The following ALKAL1 variants were observed in gnomAD, a reference collection of about 807,000 sequenced individuals.
The protein encoded by ALKAL1 is AUG-beta.
Under a neutral mutation model 13.5 loss-of-function variants are expected in ALKAL1, and 23 were observed. That is an observed-to-expected ratio of 1.70 (90% CI 1.23 to 2.41). The LOEUF (loss-of-function observed/expected upper bound fraction) is 2.41. ALKAL1 is among the 30% of genes most tolerant of loss of function. The pLI, the probability that ALKAL1 is intolerant of heterozygous loss-of-function variation, is 0.00. For missense variants in ALKAL1, 181 were observed against 178.4 expected (o/e 1.01, Z -0.08); for synonymous variants, 85 against 77.7 (o/e 1.09, Z -0.49).
intron 3 of ALKAL1, 75 bp downstream of exon 3, chr8:52,539,756 G>C (rs2150343744): frequency 2.7e-6 from 3 of 1,093,592 alleles, no homozygotes; most frequent in Non-Finnish European, 2.7e-6. Flanking sequence ...CCCACCCACA[G>C]ACATTTGAAG....
Position 52,565,067 on chromosome 8 carries a change from C to T in ALKAL1, c.190G>A (p.Glu64Lys), listed in dbSNP as rs976539539. The change falls in exon 1 of 5, where the codon GAA (glutamate) becomes AAA (lysine). Residue 64 changes from glutamate (E) to lysine (K), a missense_variant and splice_region_variant. Transcript: ENST00000358543. ...GRTPSGSRSA[E>K]IFPRDSNLKD... ...ATGGGGCGGGATGGGGACATCGTAC[C>T]TGCGCTCCGGGAGCCGCTGGGAGTC... The T allele has an allele frequency of 1.4e-5, 20 of 1,396,892 alleles. No individual in the cohort carries two copies. The highest frequency in any genetic ancestry group is 6.1e-5 in the East Asian group (2 of 32,904). The allele number at this position is 1,396,892 out of a possible 1,614,324, so 86.5% of individuals were successfully genotyped here.
chr8:52,538,003 G>A (rs569743026), intron 4 of ALKAL1, among the ~76,000 whole-genome samples: 4 of 152,016 alleles, frequency 2.6e-5, no homozygotes, highest in African/African-American at 9.7e-5. Context: ...GGCTGAGGCA[G>A]GAGAATCGCT....
At chr8:52,553,165 T>C (rs1353711728) in intron 1 of ALKAL1, among the ~76,000 whole-genome samples, 1 of 152,084 alleles carries the variant, frequency 6.6e-6, no homozygotes, top group African/African-American at 2.4e-5. Context: ...CTGCACAACA[T>C]AGCGAGACTC....
chr8:52,537,773 T>C (rs1190265647), intron 4 of ALKAL1, among the ~76,000 whole-genome samples: 1 of 149,846 alleles, frequency 6.7e-6, no homozygotes, highest in African/African-American at 2.5e-5. Flanking sequence ...AAAAAGCTCA[T>C]AGAAGTAGAG....
At chr8:52,564,502 G>C (rs1208199580) in intron 1 of ALKAL1, among the ~76,000 whole-genome samples, 1 of 152,160 alleles carries the variant, frequency 6.6e-6, no homozygotes, top group Non-Finnish European at 1.5e-5. Context: ...GCAGGAACCT[G>C]ACTGTCCAAA....
intron 1 of ALKAL1, among the ~76,000 whole-genome samples, chr8:52,546,065 A>G (rs1438659627): frequency 1.3e-5 from 2 of 152,234 alleles, no homozygotes; most frequent in African/African-American, 4.8e-5. Flanking sequence ...ATATCTATAC[A>G]TAGAAAAGGA....
intron 1 of ALKAL1, among the ~76,000 whole-genome samples, chr8:52,547,154 A>G (rs1402481315): frequency 6.6e-6 from 1 of 152,220 alleles, no homozygotes; most frequent in Non-Finnish European, 1.5e-5. Context: ...GACTAGATGC[A>G]CGCAGTAGTT....
rs1459144541 is a variant in ALKAL1 at position 52,544,528 on chromosome 8, G to C, written c.191-2083C>G. 2.0e-5 allele frequency among the ~76,000 whole-genome samples: 3 copies of C among 152,264 alleles called. No individual in the cohort carries two copies. In the East Asian group the frequency reaches 5.8e-4, roughly 29 times the overall value. On this transcript the variant is annotated intron_variant, in intron 1 of 4. Transcript: ENST00000358543. ...ACAAACTTTGTGCTTAATTCTGTGG[G>C]TGATGAGAAGTCAAAAGGCTTTAGG...
rs750116418 is a variant in ALKAL1, at chr8:52,565,266, C to T, written c.-10G>A. 7.7e-6 allele frequency: 10 copies of T among 1,301,328 alleles called. No individual in the cohort carries two copies. In the South Asian group the frequency reaches 2.4e-4, roughly 31 times the overall value. 80.6% of individuals were successfully genotyped at this position (1,301,328 alleles called of 1,614,324 possible). On this transcript the variant is annotated 5_prime_UTR_variant, in exon 1 of 5. Coordinates refer to ENST00000358543, the MANE Select transcript of ALKAL1 (RefSeq NM_207413.4). ...GCTTAAGGGGCCGCATGTTCGCAAGCCGGGAGGAGAGAGCGGGAGACTCCG... is the reference window on the plus strand; with the variant it reads ...GCTTAAGGGGCCGCATGTTCGCAAGTCGGGAGGAGAGAGCGGGAGACTCCG...
At chr8:52,550,222 C>T (rs936886607) in intron 1 of ALKAL1, among the ~76,000 whole-genome samples, 16 of 152,114 alleles carry the variant, frequency 1.1e-4, no homozygotes, top group African/African-American at 2.2e-4. Context: ...CTGTAAATTA[C>T]GCAGAGGATA....
chr8:52,554,011 G>T (rs1847455393), intron 1 of ALKAL1, among the ~76,000 whole-genome samples: 1 of 152,100 alleles, frequency 6.6e-6, no homozygotes, highest in South Asian at 2.1e-4. Flanking sequence ...ATCACCTGTG[G>T]TCGGGAGTTC....
chr8:52,553,078 G>A (rs1485092277), intron 1 of ALKAL1, among the ~76,000 whole-genome samples: 1 of 152,110 alleles, frequency 6.6e-6, no homozygotes, highest in Non-Finnish European at 1.5e-5. Context: ...TATTCTGGGG[G>A]CTGGGCACAA....
rs188847529 is a variant in ALKAL1 at position 52,554,093 on chromosome 8, G to A, written c.190+10974C>T. ...ACAAAAATTAGCTGGGCATGGTGGC[G>A]CATGCCTGTAATCCCAGCTACTCGG... On this transcript the variant is annotated intron_variant, in intron 1 of 4. Coordinates refer to ENST00000358543, the MANE Select transcript of ALKAL1 (RefSeq NM_207413.4). 2.6e-3 allele frequency among the ~76,000 whole-genome samples: 400 copies of A among 152,156 alleles called. 2 individuals carry two copies. The highest frequency in any genetic ancestry group is 9.4e-3 in the African/African-American group (388 of 41,496).
intron 1 of ALKAL1, among the ~76,000 whole-genome samples, chr8:52,557,820 C>T (rs879344557): frequency 2.6e-5 from 4 of 151,092 alleles, no homozygotes; most frequent in African/African-American, 9.8e-5. Flanking sequence ...CCCATCTCTA[C>T]TAAAAACACA....
At chr8:52,558,208 C>T (rs1166331273) in intron 1 of ALKAL1, among the ~76,000 whole-genome samples, 1 of 143,662 alleles carries the variant, frequency 7.0e-6, no homozygotes, top group African/African-American at 2.6e-5. Context: ...ATTAGCTGGG[C>T]ATGGTGGCTT....
At chr8:52,537,295 T>C (rs1563319342) in intron 4 of ALKAL1, among the ~76,000 whole-genome samples, 1 of 152,156 alleles carries the variant, frequency 6.6e-6, no homozygotes, top group East Asian at 1.9e-4. Context: ...TCAGTTAGAA[T>C]GGCTATTGTC....
At chr8:52,558,161 C>G (rs935128807) in intron 1 of ALKAL1, among the ~76,000 whole-genome samples, 2 of 148,338 alleles carry the variant, frequency 1.3e-5, no homozygotes, top group African/African-American at 5.0e-5. Flanking sequence ...TATATACACA[C>G]GTATATATAT....
intron 1 of ALKAL1, among the ~76,000 whole-genome samples, chr8:52,553,242 G>A (rs1351445616): frequency 6.6e-6 from 1 of 152,092 alleles, no homozygotes; most frequent in Non-Finnish European, 1.5e-5. Context: ...ATGCTATTTG[G>A]GAGGCTGAGG....
chr8:52,546,291 G>C (rs968324392), intron 1 of ALKAL1, among the ~76,000 whole-genome samples: 1 of 152,188 alleles, frequency 6.6e-6, no homozygotes, highest in African/African-American at 2.4e-5. Context: ...CATTTGTTTA[G>C]GGGTCGCCAG....
Sources: allele counts gnomAD v4.1 joint callset (sites outside exome capture counted in the v4.1 genomes callset), GRCh38; gene constraint gnomAD v4.1.1; transcripts MANE v1.5; gene names NCBI Gene and HGNC (gene_info 2026-07-23, HGNC 2026-07-21).